The following CAPN5 variants were observed in gnomAD, a reference collection of about 807,000 sequenced individuals.
The protein encoded by CAPN5 is calpain 5.
In CAPN5, 54 loss-of-function variants were observed where a neutral mutation model predicts 73.0. The observed-to-expected ratio is 0.74, with a 90% CI of 0.59 to 0.93. CAPN5 has a LOEUF of 0.93. Among genes scored for constraint, CAPN5 ranks in the 40% least tolerant of loss-of-function variants. CAPN5 has a pLI of 0.00. For synonymous variants in CAPN5, 335 were observed against 356.9 expected (o/e 0.94, Z 0.69); for missense variants, 785 against 882.9 (o/e 0.89, Z 1.41).
At chr11:77,086,689 C>T (rs1555035599) in intron 2 of CAPN5, among the ~76,000 whole-genome samples, 1 of 152,206 alleles carries the variant, frequency 6.6e-6, no homozygotes, top group Non-Finnish European at 1.5e-5. Flanking sequence ...GAGGGCTGGG[C>T]ACTCGAGCTC....
chr11:77,088,264 C>T (rs797034051), intron 2 of CAPN5, among the ~76,000 whole-genome samples: 10 of 151,784 alleles, frequency 6.6e-5, no homozygotes, highest in African/African-American at 2.4e-4. Flanking sequence ...CCAGCCTCAG[C>T]CCAGTCCCGG....
Position 77,116,371 on chromosome 11 carries a change from A to G in CAPN5, c.971+68A>G. ...TCCCACGGGCCTGGCGGGGAGCACC[A>G]GGTGGGGAGTCAGGAGCCAGGCCTC... On this transcript the variant is annotated intron_variant, in intron 7 of 12. Coordinates refer to ENST00000648180, the MANE Select transcript of CAPN5 (RefSeq NM_004055.5). 5 of 1,287,976 alleles carry G rather than the reference A, an allele frequency of 3.9e-6. No homozygotes were observed. In the South Asian group the frequency reaches 6.2e-5, roughly 16 times the overall value. The allele number at this position is 1,287,976 out of a possible 1,614,324, so 79.8% of individuals were successfully genotyped here.
At chr11:77,108,629 C>T (rs2135468138) in intron 3 of CAPN5, among the ~76,000 whole-genome samples, 1 of 152,182 alleles carries the variant, frequency 6.6e-6, no homozygotes, top group South Asian at 2.1e-4. Context: ...TGACACTTGC[C>T]AGCCTATGGC....
intron 1 of CAPN5, among the ~76,000 whole-genome samples, chr11:77,070,603 G>A (rs1949893095): frequency 6.6e-6 from 1 of 152,210 alleles, no homozygotes; most frequent in African/African-American, 2.4e-5. Context: ...GCTCCCATTA[G>A]CTATTCTTCA....
intron 1 of CAPN5, among the ~76,000 whole-genome samples, chr11:77,068,648 G>A (rs1447398705): frequency 6.6e-6 from 1 of 152,166 alleles, no homozygotes; most frequent in African/African-American, 2.4e-5. Flanking sequence ...TTCCACTGAG[G>A]GCTATAAGGA....
chr11:77,098,075 A>G (rs1230546136), intron 3 of CAPN5, among the ~76,000 whole-genome samples: 2 of 85,616 alleles, frequency 2.3e-5, no homozygotes, highest in Non-Finnish European at 4.4e-5. Flanking sequence ...CACCTCCCGG[A>G]CGGGGCGGCT....
At chr11:77,122,880 C>T (rs1260165848) in intron 12 of CAPN5, among the ~76,000 whole-genome samples, 168 bp downstream of exon 12, 1 of 152,232 alleles carries the variant, frequency 6.6e-6, no homozygotes, top group African/African-American at 2.4e-5. Context: ...TCTCTTGCCA[C>T]TCCAAGGTCC....
chr11:77,093,852 G>T, intron 3 of CAPN5, 39 bp downstream of exon 3: 1 of 1,596,990 alleles, frequency 6.3e-7, no homozygotes. Flanking sequence ...GCTGGGGAGT[G>T]TGAACGCAGC....
intron 2 of CAPN5, among the ~76,000 whole-genome samples, chr11:77,092,811 AT>A (rs1242677628): frequency 6.6e-6 from 1 of 152,164 alleles, no homozygotes; most frequent in Non-Finnish European, 1.5e-5. Flanking sequence ...TACTAAAAAT[AT>A]AAAAATTAGC....
At chr11:77,080,190 A>T (rs1950014323) in intron 1 of CAPN5, among the ~76,000 whole-genome samples, 1 of 152,122 alleles carries the variant, frequency 6.6e-6, no homozygotes. Context: ...TGAACTTTCT[A>T]TTCTGTTCCA....
chr11:77,123,663 C>A (rs1555043296), intron 12 of CAPN5, 25 bp from the exon 13 acceptor site: 7 of 1,602,020 alleles, frequency 4.4e-6, no homozygotes, highest in Middle Eastern at 1.7e-4. Flanking sequence ...GCCCGCCCCT[C>A]CCATGATCCT....
At position 77,114,824 on chromosome 11, in the gene CAPN5, G is replaced by A. The variant is rs1950449696; in HGVS notation, c.699+390G>A. Among the ~76,000 whole-genome samples the A allele has an allele frequency of 2.0e-5, 3 of 152,298 alleles. No homozygotes were observed. In the South Asian group the frequency reaches 6.2e-4, roughly 32 times the overall value. On this transcript the variant is annotated intron_variant, in intron 5 of 12. Transcript: ENST00000648180. ...CCAGCAAAGTAAAAAGCCCCGGTTTGTAGCATTTGCTAATTACTGTGGTGT... is the reference window on the plus strand; with the variant it reads ...CCAGCAAAGTAAAAAGCCCCGGTTTATAGCATTTGCTAATTACTGTGGTGT...
At chr11:77,098,370 G>A (rs1258999833) in intron 3 of CAPN5, among the ~76,000 whole-genome samples, 3 of 111,234 alleles carry the variant, frequency 2.7e-5, no homozygotes, top group South Asian at 3.5e-4. Context: ...CTGGCCGGGC[G>A]GGGGGCTGAC....
chr11:77,122,632 C>T lies in CAPN5; in HGVS notation c.1660C>T (p.Gln554Ter), dbSNP rs781786896. The stretch of plus-strand genomic sequence containing the variant: ...GGGAGACAAAGTCCGCTCGGCTGTG[C>T]AGAAGGGCACCTCCACACCAGAGTA... ...CEGDKVRSAV[Q>*]KGTSTPEYNV... The change falls in exon 12 of 13, where the codon CAG becomes TAG. Residue 554 changes from glutamine to a stop codon, truncating the protein, a stop_gained. Coordinates refer to ENST00000648180, the MANE Select transcript of CAPN5 (RefSeq NM_004055.5). LOFTEE classifies it high-confidence loss of function. 1.2e-5 allele frequency: 19 copies of T among 1,613,416 alleles called. No homozygotes were observed. The highest frequency in any genetic ancestry group is 3.3e-4 in the Middle Eastern group (2 of 6,068).
chr11:77,091,769 G>A (rs1485287790), intron 2 of CAPN5, among the ~76,000 whole-genome samples: 1 of 152,164 alleles, frequency 6.6e-6, no homozygotes, highest in Non-Finnish European at 1.5e-5. Context: ...GGAACACAGG[G>A]TGAGCTGACC....
At chr11:77,115,622 C>T (rs781808690) in intron 6 of CAPN5, 34 bp downstream of exon 6, 5 of 1,570,216 alleles carry the variant, frequency 3.2e-6, no homozygotes, top group African/African-American at 1.3e-5. Flanking sequence ...AGGCACAGGG[C>T]ATGAGGGCTT....
At position 77,124,181 on chromosome 11, in the gene CAPN5, G is replaced by A. The variant is rs77000565; in HGVS notation, c.*311G>A. On this transcript the variant is annotated 3_prime_UTR_variant, in exon 13 of 13. Coordinates refer to ENST00000648180, the MANE Select transcript of CAPN5 (RefSeq NM_004055.5). ...AAGGCCCTGCTGTCTGCCGAGGAGCGCCAAGAAGATGTCACTTGTTTACAC... is the reference window on the plus strand; with the variant it reads ...AAGGCCCTGCTGTCTGCCGAGGAGCACCAAGAAGATGTCACTTGTTTACAC... The A allele has an allele frequency of 7.8e-3, 2,566 of 329,778 alleles. 54 individuals are homozygous for A. Among genetic ancestry groups the A allele is most frequent in the African/African-American group, 0.05 (2,371 of 47,890 alleles). The allele number at this position is 329,778 out of a possible 1,614,324, so 20.4% of individuals were successfully genotyped here. A position where few individuals can be genotyped will look rare whatever the true frequency, so the allele number is the denominator to read the frequency against.
chr11:77,086,478 C>T (rs907599586), intron 2 of CAPN5, among the ~76,000 whole-genome samples: 4 of 152,174 alleles, frequency 2.6e-5, no homozygotes, highest in Non-Finnish European at 5.9e-5. Flanking sequence ...CCCTGGTGCC[C>T]TTGACCTCAG....
At position 77,093,542 on chromosome 11, in the gene CAPN5, G is replaced by T. The variant is rs1016284157; in HGVS notation, c.166-140G>T. 4 of 1,351,232 alleles carry T rather than the reference G, an allele frequency of 3.0e-6. No homozygotes were observed. In the African/African-American group the frequency reaches 5.8e-5, roughly 20 times the overall value. 83.7% of individuals were successfully genotyped at this position (1,351,232 alleles called of 1,614,324 possible). The stretch of plus-strand genomic sequence containing the variant: ...GGCCCTATGGGGCCCCAAGTCTGTG[G>T]TGGGAGGCAGGTGAATCACCATGCT... On this transcript the variant is annotated intron_variant, in intron 2 of 12. Transcript: ENST00000648180.
Sources: gnomAD v4.1 joint callset for allele counts (sites outside exome capture counted in the v4.1 genomes callset) on GRCh38, gnomAD v4.1.1 for gene constraint, MANE v1.5 for transcripts, NCBI Gene and HGNC (gene_info 2026-07-23, HGNC 2026-07-21) for gene names.